Variants in HS6ST3 observed in about 807,000 individuals in gnomAD.
HS6ST3 encodes heparan-sulfate 6-O-sulfotransferase 3.
HS6ST3 carries 12 observed loss-of-function variants against 36.7 expected under a neutral mutation model. The ratio of observed to expected loss-of-function variants is 0.33; its 90% CI spans 0.21 to 0.53. HS6ST3 has a LOEUF of 0.53. HS6ST3 is among the 20% of genes least tolerant of loss of function. The pLI is 0.95. For missense variants in HS6ST3, 584 were observed against 640.9 expected (o/e 0.91, Z 0.96); for synonymous variants, 240 against 257.5 (o/e 0.93, Z 0.65).
At chr13:96,729,287 G>A (rs1036760101) in intron 1 of HS6ST3, among the ~76,000 whole-genome samples, 2 of 152,036 alleles carry the variant, frequency 1.3e-5, no homozygotes, top group African/African-American at 4.8e-5. Flanking sequence ...TCAAAAAGTA[G>A]TGCTGTCCTT....
chr13:96,384,766 C>A (rs1162705972), intron 1 of HS6ST3, among the ~76,000 whole-genome samples: 1 of 152,158 alleles, frequency 6.6e-6, no homozygotes, highest in Non-Finnish European at 1.5e-5. Flanking sequence ...GGGTAAGGGA[C>A]AGAGTGATTG....
At chr13:96,587,332 T>C (rs1052407731) in intron 1 of HS6ST3, among the ~76,000 whole-genome samples, 1 of 152,194 alleles carries the variant, frequency 6.6e-6, no homozygotes, top group Non-Finnish European at 1.5e-5. Context: ...TCTATTTTTG[T>C]GAAGAATGGC....
At chr13:96,668,652 G>T (rs1380582925) in intron 1 of HS6ST3, among the ~76,000 whole-genome samples, 1 of 126,276 alleles carries the variant, frequency 7.9e-6, no homozygotes, top group Non-Finnish European at 1.6e-5. Flanking sequence ...AAAAGAGGAA[G>T]ATAAGAGAGG....
chr13:96,284,713 T>A (rs1204454614), intron 1 of HS6ST3, among the ~76,000 whole-genome samples: 3 of 152,148 alleles, frequency 2.0e-5, no homozygotes, highest in Non-Finnish European at 4.4e-5. Flanking sequence ...GGTTGGATGC[T>A]TTTTTTCTAA....
At chr13:96,671,102 G>C (rs1305650718) in intron 1 of HS6ST3, among the ~76,000 whole-genome samples, 1 of 152,104 alleles carries the variant, frequency 6.6e-6, no homozygotes, top group Admixed American at 6.6e-5. Flanking sequence ...GACCCCCTCA[G>C]CCTAAACCTG....
At chr13:96,115,293 T>G (rs1213865051) in intron 1 of HS6ST3, among the ~76,000 whole-genome samples, 2 of 152,224 alleles carry the variant, frequency 1.3e-5, no homozygotes, top group African/African-American at 4.8e-5. Flanking sequence ...TGTTTTACTT[T>G]AAGTTTCGGG....
At chr13:96,254,947 T>C (rs1430645436) in intron 1 of HS6ST3, among the ~76,000 whole-genome samples, 1 of 152,202 alleles carries the variant, frequency 6.6e-6, no homozygotes, top group Admixed American at 6.6e-5. Context: ...AAGCCAATAA[T>C]CTGTGAGAAT....
intron 1 of HS6ST3, among the ~76,000 whole-genome samples, chr13:96,675,038 T>G (rs1046539559): frequency 3.3e-5 from 5 of 152,164 alleles, no homozygotes; most frequent in African/African-American, 1.2e-4. Flanking sequence ...GCTTTTGCTG[T>G]GCTGTGCTCA....
chr13:96,261,687 A>G (rs2054667254), intron 1 of HS6ST3, among the ~76,000 whole-genome samples: 1 of 152,212 alleles, frequency 6.6e-6, no homozygotes, highest in Non-Finnish European at 1.5e-5. Context: ...AGGAAACTGA[A>G]ACAGTTGAAC....
chr13:96,655,072 A>G (rs1326976028), intron 1 of HS6ST3, among the ~76,000 whole-genome samples: 1 of 152,104 alleles, frequency 6.6e-6, no homozygotes, highest in Non-Finnish European at 1.5e-5. Flanking sequence ...TAAGCTGTTT[A>G]TAAGTGAAGG....
Position 96,820,228 on chromosome 13 carries a change from A to G in HS6ST3, c.708-12262A>G, listed in dbSNP as rs943758762. Among the ~76,000 whole-genome samples the G allele has an allele frequency of 2.0e-5, 3 of 152,242 alleles. No individual in the cohort carries two copies. The South Asian group carries it at 6.2e-4, about 31-fold the overall frequency. On this transcript the variant is annotated intron_variant, in intron 1 of 1. Coordinates refer to ENST00000376705, the MANE Select transcript of HS6ST3 (RefSeq NM_153456.4). ...AAGGATCAAATGAAATAATGGATGA[A>G]GAAAGTAGTTTGAAAACTTAAAAAA...
intron 1 of HS6ST3, among the ~76,000 whole-genome samples, chr13:96,686,181 A>AAGAGG (rs1874772266): frequency 6.6e-6 from 1 of 151,978 alleles, no homozygotes; most frequent in Non-Finnish European, 1.5e-5. Context: ...TTTTCCTTAG[A>AAGAGG]AACACAGCTT....
chr13:96,201,907 T>C (rs2054343905), intron 1 of HS6ST3, among the ~76,000 whole-genome samples: 5 of 152,228 alleles, frequency 3.3e-5, no homozygotes, highest in Non-Finnish European at 7.3e-5. Flanking sequence ...AATGGATTAT[T>C]TGTGGCAAAT....
chr13:96,442,869 C>T (rs2055679834), intron 1 of HS6ST3, among the ~76,000 whole-genome samples: 1 of 149,560 alleles, frequency 6.7e-6, no homozygotes, highest in Non-Finnish European at 1.5e-5. Context: ...CTAGGAATAA[C>T]AAACAGCTTT....
In HS6ST3 at chr13:96,184,017, A is replaced by G. The variant is rs530322028; in HGVS notation, c.707+92448A>G. ...AGAGATGGAGACCATCCTGGCCAACATGGTAAAACCCTGTCTCTACTAAAA... is the reference window on the plus strand; with the variant it reads ...AGAGATGGAGACCATCCTGGCCAACGTGGTAAAACCCTGTCTCTACTAAAA... On this transcript the variant is annotated intron_variant, in intron 1 of 1. Transcript: ENST00000376705. 2.9e-4 allele frequency among the ~76,000 whole-genome samples: 44 copies of G among 152,152 alleles called. 1 individual carries two copies. Among genetic ancestry groups the G allele is most frequent in the African/African-American group, 1.0e-3 (42 of 41,508 alleles).
intron 1 of HS6ST3, among the ~76,000 whole-genome samples, chr13:96,101,846 CCTCT>C (rs1475634043): frequency 6.6e-6 from 1 of 152,118 alleles, no homozygotes; most frequent in Admixed American, 6.5e-5. Flanking sequence ...TCTTTTCTCT[CCTCT>C]CTCTCTTTCT....
intron 1 of HS6ST3, among the ~76,000 whole-genome samples, chr13:96,532,451 G>A (rs1260236765): frequency 1.3e-5 from 2 of 152,120 alleles, no homozygotes; most frequent in African/African-American, 2.4e-5. Context: ...GGGTTTTATC[G>A]GGAAAAGTAT....
intron 1 of HS6ST3, among the ~76,000 whole-genome samples, chr13:96,139,632 T>C (rs1035649683): frequency 2.6e-5 from 4 of 151,262 alleles, no homozygotes; most frequent in African/African-American, 9.7e-5. Flanking sequence ...TTATAATTCA[T>C]GGTGAAGTGT....
In HS6ST3 at chr13:96,104,919, T is replaced by C. The variant is rs2053834242; in HGVS notation, c.707+13350T>C. 2.0e-5 allele frequency among the ~76,000 whole-genome samples: 3 copies of C among 152,156 alleles called. No individual in the cohort carries two copies. In the South Asian group the frequency reaches 6.2e-4, roughly 32 times the overall value. On this transcript the variant is annotated intron_variant, in intron 1 of 1. Coordinates refer to ENST00000376705, the MANE Select transcript of HS6ST3 (RefSeq NM_153456.4). ...TTTTCATGATGGTTGTTTATGTGTC[T>C]GCTTGTCTTACTGTACTTGCCTAAA...
Sources: allele counts gnomAD v4.1 joint callset (sites outside exome capture counted in the v4.1 genomes callset), GRCh38; gene constraint gnomAD v4.1.1; transcripts MANE v1.5; gene names NCBI Gene and HGNC (gene_info 2026-07-23, HGNC 2026-07-21).